TBL1XR1: variants seen among roughly 807,000 people sequenced by gnomAD.
TBL1XR1 encodes TBL1X/Y related 1, also known as F-box-like/WD repeat-containing protein TBL1XR1.
TBL1XR1 carries 5 observed loss-of-function variants against 66.9 expected under a neutral mutation model. The ratio of observed to expected loss-of-function variants is 0.07; its 90% CI spans 0.04 to 0.16. The LOEUF (loss-of-function observed/expected upper bound fraction) is 0.16, where lower values mean the gene tolerates loss of function less well. Ranked by LOEUF, TBL1XR1 falls within the 10% of genes least tolerant of loss-of-function variation. The pLI is 1.00. For missense variants in TBL1XR1, 238 were observed against 623.2 expected (o/e 0.38, Z 6.58); for synonymous variants, 210 against 206.0 (o/e 1.02, Z -0.17).
intron 1 of TBL1XR1, among the ~76,000 whole-genome samples, chr3:177,175,456 G>A (rs759210784): frequency 6.6e-6 from 1 of 152,114 alleles, no homozygotes; most frequent in Non-Finnish European, 1.5e-5. Context: ...AAAATATTTT[G>A]AGACTAATGT....
At chr3:177,194,058 T>TCTTAC (rs1437408352) in intron 1 of TBL1XR1, 1 of 152,216 alleles carries the variant, frequency 6.6e-6, no homozygotes, top group Admixed American at 6.5e-5. Flanking sequence ...TTAATTGCAC[T>TCTTAC]CTTACCGAAT....
At chr3:177,026,496 T>C (rs758870385) in intron 14 of TBL1XR1, 22 bp from the exon 15 acceptor site, 3 of 1,534,972 alleles carry the variant, frequency 2.0e-6, no homozygotes, top group East Asian at 2.3e-5. Flanking sequence ...AAAAACAAAA[T>C]CTTAAAAATC....
upstream of TBL1XR1, among the ~76,000 whole-genome samples, chr3:177,198,797 A>C (rs977528123): frequency 1.3e-5 from 2 of 152,134 alleles, no homozygotes; most frequent in African/African-American, 4.8e-5. Flanking sequence ...GAATATTTGA[A>C]AATAGATGTA....
intron 1 of TBL1XR1, among the ~76,000 whole-genome samples, chr3:177,147,094 T>G (rs1730349027): frequency 6.6e-6 from 1 of 151,896 alleles, no homozygotes; most frequent in African/African-American, 2.4e-5. Flanking sequence ...TCACCCAGCC[T>G]GGAGTGCAAT....
chr3:177,023,815 T>C lies in TBL1XR1; in HGVS notation c.*1683A>G, dbSNP rs1712705970. On this transcript the variant is annotated 3_prime_UTR_variant, in exon 16 of 16. Coordinates refer to ENST00000457928, the MANE Select transcript of TBL1XR1 (RefSeq NM_024665.7). Reference sequence around the variant, plus strand: ...TAGTACTAAAAGGCCTCAAAATAATTAGTGACAGAAATAGTGTTATTAATT... The same window carrying C: ...TAGTACTAAAAGGCCTCAAAATAATCAGTGACAGAAATAGTGTTATTAATT... 6.6e-6 allele frequency: 1 copy of C among 152,376 alleles called. No homozygotes were observed. The highest frequency in any genetic ancestry group is 2.4e-5 in the African/African-American group (1 of 41,416). The allele number at this position is 152,376 out of a possible 1,614,324, so 9.4% of individuals were successfully genotyped here. A position where few individuals can be genotyped will look rare whatever the true frequency, so the allele number is the denominator to read the frequency against.
chr3:177,050,313 A>T (rs1385672338), intron 6 of TBL1XR1, among the ~76,000 whole-genome samples, 165 bp downstream of exon 6: 1 of 152,238 alleles, frequency 6.6e-6, no homozygotes, highest in East Asian at 1.9e-4. Context: ...TCGAAATAGT[A>T]AGTTTAATTA....
chr3:177,046,560 T>A (rs1716353819), intron 9 of TBL1XR1, among the ~76,000 whole-genome samples: 1 of 152,180 alleles, frequency 6.6e-6, no homozygotes, highest in Admixed American at 6.5e-5. Context: ...CAGTTCTCAA[T>A]ACTGAAAGAT....
At chr3:177,123,861 T>C (rs551766529) in intron 1 of TBL1XR1, among the ~76,000 whole-genome samples, 10 of 152,198 alleles carry the variant, frequency 6.6e-5, no homozygotes, top group Admixed American at 1.3e-4. Context: ...TAAATTTTAT[T>C]TTCATGAAAG....
Position 177,071,031 on chromosome 3 carries a change from G to GTTTTTTTTTTTTTTTTTTTTTTTTTTTTT in TBL1XR1, c.-45-6010_-45-6009insAAAAAAAAAAAAAAAAAAAAAAAAAAAAA, listed in dbSNP as rs764951521. On this transcript the variant is annotated intron_variant, in intron 2 of 15. Transcript: ENST00000457928. ...TGGAACAGACATGTTCTGAGAATCT[G>GTTTTTTTTTTTTTTTTTTTTTTTTTTTTT]TTTTTTTTTTTTTTTTTGAGACAGA... Among the ~76,000 whole-genome samples, 4 of 104,716 alleles carry GTTTTTTTTTTTTTTTTTTTTTTTTTTTTT rather than the reference G, an allele frequency of 3.8e-5. 1 individual carries two copies. The highest frequency in any genetic ancestry group is 1.5e-4 in the African/African-American group (4 of 25,824). 68.7% of individuals were successfully genotyped at this position (104,716 alleles called of 152,430 possible). A position where few individuals can be genotyped will look rare whatever the true frequency, so the allele number is the denominator to read the frequency against.
chr3:177,186,626 G>A (rs1735441037), intron 1 of TBL1XR1, among the ~76,000 whole-genome samples: 1 of 152,158 alleles, frequency 6.6e-6, no homozygotes, highest in Non-Finnish European at 1.5e-5. Context: ...ATTCACAGTT[G>A]AAGGTAACCA....
intron 1 of TBL1XR1, among the ~76,000 whole-genome samples, chr3:177,191,747 C>CT (rs755758917): frequency 5.3e-5 from 8 of 152,318 alleles, no homozygotes; most frequent in Admixed American, 3.9e-4. Context: ...AAAGTAATCA[C>CT]TACAGCCTAA....
At chr3:177,146,589 C>CAAAAAAAAAGAAAAAAAA (rs1730280151) in intron 1 of TBL1XR1, among the ~76,000 whole-genome samples, 1 of 51,958 alleles carries the variant, frequency 1.9e-5, no homozygotes, top group Non-Finnish European at 3.5e-5. Flanking sequence ...GACTCCATCT[C>CAAAAAAAAAGAAAAAAAA]AAAAAAAAAA....
At chr3:177,178,670 A>G (rs2108958213) in intron 1 of TBL1XR1, among the ~76,000 whole-genome samples, 1 of 152,304 alleles carries the variant, frequency 6.6e-6, no homozygotes, top group South Asian at 2.1e-4. Context: ...AACATGGAGA[A>G]GCCCTAATTA....
At chr3:177,174,660 T>A (rs1007551768) in intron 1 of TBL1XR1, among the ~76,000 whole-genome samples, 4 of 152,122 alleles carry the variant, frequency 2.6e-5, no homozygotes, top group African/African-American at 7.2e-5. Context: ...AATCTCCAAT[T>A]GCATTTTTTG....
intron 1 of TBL1XR1, among the ~76,000 whole-genome samples, chr3:177,173,889 TCA>T (rs932130744): frequency 1.3e-5 from 2 of 152,180 alleles, no homozygotes; most frequent in South Asian, 2.1e-4. Context: ...TAAATTATAA[TCA>T]GTTATACATT....
At chr3:177,162,778 G>A (rs1478316473) in intron 1 of TBL1XR1, among the ~76,000 whole-genome samples, 1 of 152,122 alleles carries the variant, frequency 6.6e-6, no homozygotes, top group Non-Finnish European at 1.5e-5. Flanking sequence ...ATAAAAGTCC[G>A]CTAAGAAGAA....
intron 2 of TBL1XR1, among the ~76,000 whole-genome samples, chr3:177,066,145 C>T (rs752667873): frequency 6.6e-6 from 1 of 152,036 alleles, no homozygotes; most frequent in Non-Finnish European, 1.5e-5. Context: ...CTTTATGATA[C>T]AGTTAGCAGA....
At chr3:177,191,359 A>G (rs1466761584) in intron 1 of TBL1XR1, among the ~76,000 whole-genome samples, 4 of 152,202 alleles carry the variant, frequency 2.6e-5, no homozygotes, top group Non-Finnish European at 4.4e-5. Flanking sequence ...CCAGACCTAC[A>G]ACCATTCATT....
chr3:177,084,569 C>A (rs757920179), intron 2 of TBL1XR1, among the ~76,000 whole-genome samples: 4 of 152,210 alleles, frequency 2.6e-5, no homozygotes, highest in Non-Finnish European at 4.4e-5. Context: ...TTTATAGATA[C>A]TTGAACTGTT....
Sources: allele counts gnomAD v4.1 joint callset (sites outside exome capture counted in the v4.1 genomes callset), GRCh38; gene constraint gnomAD v4.1.1; transcripts MANE v1.5; gene names NCBI Gene and HGNC (gene_info 2026-07-23, HGNC 2026-07-21).